ZUP1: variants seen among roughly 807,000 people sequenced by gnomAD.
The protein encoded by ZUP1 is zinc finger-containing ubiquitin peptidase 1.
Under a neutral mutation model 68.1 loss-of-function variants are expected in ZUP1, and 55 were observed. That is an observed-to-expected ratio of 0.81 (90% confidence interval 0.65 to 1.01). The LOEUF is 1.01. Ranked by LOEUF, ZUP1 falls within the 50% of genes least tolerant of loss-of-function variation. The pLI is 0.00. For missense variants in ZUP1, 684 were observed against 674.9 expected (o/e 1.01, Z -0.15); for synonymous variants, 223 against 221.5 (o/e 1.01, Z -0.06).
At chr6:116,651,927 TA>T in intron 6 of ZUP1, 76 bp downstream of exon 6, 9 of 1,482,892 alleles carry the variant, frequency 6.1e-6, no homozygotes, top group Non-Finnish European at 8.3e-6. Flanking sequence ...TTAAAGCTAT[TA>T]ATTGTGTATG....
chr6:116,656,596 A>G, intron 5 of ZUP1, 88 bp downstream of exon 5: 1 of 1,107,980 alleles, frequency 9.0e-7, no homozygotes, highest in African/African-American at 1.6e-5. Flanking sequence ...ACAGATTATG[A>G]AAATTAAGCA....
chr6:116,663,707 GAGGA>G (rs1286207980), intron 2 of ZUP1, among the ~76,000 whole-genome samples: 2 of 152,132 alleles, frequency 1.3e-5, no homozygotes, highest in African/African-American at 4.8e-5. Flanking sequence ...TTGGGAGGCT[GAGGA>G]AGGAAGACTG....
chr6:116,667,806 T>G (rs1430736840), intron 1 of ZUP1, among the ~76,000 whole-genome samples: 1 of 152,108 alleles, frequency 6.6e-6, no homozygotes, highest in Non-Finnish European at 1.5e-5. Context: ...GCCTGTACTC[T>G]CAGCCCCAAG....
chr6:116,664,635 T>A (rs185076802), intron 2 of ZUP1, among the ~76,000 whole-genome samples: 90 of 152,260 alleles, frequency 5.9e-4, no homozygotes, highest in Admixed American at 1.4e-3. Flanking sequence ...AGGGAAAAAC[T>A]GTCCTATCTG....
At chr6:116,645,523 G>A (rs1776263316) in intron 9 of ZUP1, among the ~76,000 whole-genome samples, 191 bp downstream of exon 9, 1 of 147,624 alleles carries the variant, frequency 6.8e-6, no homozygotes, top group Non-Finnish European at 1.5e-5. Flanking sequence ...CAAGGCTGTA[G>A]TGAGTCATGA....
chr6:116,646,020 T>C, intron 8 of ZUP1, 86 bp from the exon 9 acceptor site: 1 of 938,560 alleles, frequency 1.1e-6, no homozygotes, highest in Non-Finnish European at 1.6e-6. Flanking sequence ...TGTGATCATA[T>C]GTGTGTTTAG....
At chr6:116,654,738 C>T (rs1776613913) in intron 5 of ZUP1, among the ~76,000 whole-genome samples, 1 of 151,838 alleles carries the variant, frequency 6.6e-6, no homozygotes, top group Non-Finnish European at 1.5e-5. Flanking sequence ...ACAAACAACT[C>T]AATAGAGAAT....
intron 5 of ZUP1, among the ~76,000 whole-genome samples, chr6:116,655,979 T>C (rs1776649934): frequency 6.6e-6 from 1 of 152,190 alleles, no homozygotes; most frequent in South Asian, 2.1e-4. Flanking sequence ...GTCTCAGTAA[T>C]AGTTTTAATG....
rs1777019280 is a variant in ZUP1, at chr6:116,666,677, A to G, written c.516T>C (p.His172=). The change falls in exon 2 of 10, where the codon CAT becomes CAC. Residue 172 remains histidine (H), a synonymous_variant. Coordinates refer to ENST00000368576, the MANE Select transcript of ZUP1 (RefSeq NM_145062.3). Reference sequence around the variant, plus strand: ...AAAGATTGGCATGCTTTGTTTTCACATGAGTTTCCATATCTTCACTGTGCT... The same window carrying G: ...AAAGATTGGCATGCTTTGTTTTCACGTGAGTTTCCATATCTTCACTGTGCT... ...IEEHSEDMET[H]VKTKHANLLD... The G allele has an allele frequency of 1.9e-6, 3 of 1,600,064 alleles. No individual in the cohort carries two copies. The highest frequency in any genetic ancestry group is 1.8e-5 in the Admixed American group (1 of 57,014).
chr6:116,641,327 C>T (rs1455991677), intron 9 of ZUP1, among the ~76,000 whole-genome samples: 2 of 152,146 alleles, frequency 1.3e-5, no homozygotes, highest in Admixed American at 6.6e-5. Flanking sequence ...CTAAGCTCTG[C>T]ACCAAGCGGA....
At chr6:116,660,951 G>A (rs1441651263) in intron 2 of ZUP1, 105 bp from the exon 3 acceptor site, 14 of 628,814 alleles carry the variant, frequency 2.2e-5, no homozygotes, top group South Asian at 1.1e-4. Context: ...CCAGGCTGGC[G>A]TGCAGTGGCA....
At chr6:116,656,913 A>C (rs1341203095) in intron 4 of ZUP1, 61 bp from the exon 5 acceptor site, 2 of 1,138,530 alleles carry the variant, frequency 1.8e-6, no homozygotes, top group Non-Finnish European at 2.4e-6. Context: ...TGAGGATGGA[A>C]ACTTATTAAA....
intron 5 of ZUP1, among the ~76,000 whole-genome samples, chr6:116,652,832 T>G (rs1156692507): frequency 6.6e-6 from 1 of 152,094 alleles, no homozygotes; most frequent in Non-Finnish European, 1.5e-5. Context: ...CTTATAAACC[T>G]AATTAGAATA....
At chr6:116,655,567 A>C (rs1343850551) in intron 5 of ZUP1, among the ~76,000 whole-genome samples, 1 of 152,226 alleles carries the variant, frequency 6.6e-6, no homozygotes, top group Non-Finnish European at 1.5e-5. Flanking sequence ...GATTCAAAAA[A>C]TCTGGGTGAC....
chr6:116,653,552 CT>C (rs1438514005), intron 5 of ZUP1, among the ~76,000 whole-genome samples: 1 of 151,962 alleles, frequency 6.6e-6, no homozygotes, highest in East Asian at 1.9e-4. Context: ...AGGTGAAATA[CT>C]GATCACTGTA....
chr6:116,645,327 T>C (rs1238748011), intron 9 of ZUP1, among the ~76,000 whole-genome samples: 1 of 152,046 alleles, frequency 6.6e-6, no homozygotes, highest in African/African-American at 2.4e-5. Context: ...ACGCCTGTAA[T>C]CCCAACACTT....
intron 7 of ZUP1, among the ~76,000 whole-genome samples, chr6:116,650,367 A>T (rs940510161): frequency 6.2e-5 from 9 of 144,444 alleles, no homozygotes; most frequent in Non-Finnish European, 1.3e-4. Flanking sequence ...GCTTGCAGTG[A>T]GCCAAGATCA....
At chr6:116,641,674 G>C (rs1395969136) in intron 9 of ZUP1, among the ~76,000 whole-genome samples, 3 of 151,818 alleles carry the variant, frequency 2.0e-5, no homozygotes, top group African/African-American at 4.8e-5. Context: ...ACAATCTCTG[G>C]GACACATTCA....
chr6:116,654,966 C>A (rs1434270695), intron 5 of ZUP1, among the ~76,000 whole-genome samples: 4 of 152,088 alleles, frequency 2.6e-5, no homozygotes, highest in Non-Finnish European at 5.9e-5. Flanking sequence ...AAGATTTGCA[C>A]GCCCTTTAAC....
Sources: allele counts gnomAD v4.1 joint callset (sites outside exome capture counted in the v4.1 genomes callset), GRCh38; gene constraint gnomAD v4.1.1; transcripts MANE v1.5; gene names NCBI Gene and HGNC (gene_info 2026-07-23, HGNC 2026-07-21).